The following BCOR variants were observed in gnomAD, a reference collection of about 807,000 sequenced individuals.
The protein encoded by BCOR is BCL6 corepressor.
BCOR carries 10 observed loss-of-function variants against 86.7 expected under a neutral mutation model. That is an observed-to-expected ratio of 0.12 (90% CI 0.07 to 0.20). The LOEUF (loss-of-function observed/expected upper bound fraction) is 0.20. BCOR is among the 10% of genes least tolerant of loss of function. The pLI, the probability that BCOR is intolerant of heterozygous loss-of-function variation, is 1.00. For synonymous variants in BCOR, 611 were observed against 609.0 expected (o/e 1.00, Z -0.05); for missense variants, 1,259 against 1,452.1 (o/e 0.87, Z 2.16).
chrX:40,061,181 TA>T, intron 10 of BCOR, among the ~76,000 whole-genome samples: 1 of 110,634 alleles, frequency 9.0e-6, no homozygotes, highest in Middle Eastern at 4.6e-3. Flanking sequence ...GATGCCAGCA[TA>T]AAAAAAAATG....
chrX:40,082,890 A>G (rs1936167996), intron 1 of BCOR, among the ~76,000 whole-genome samples: 1 of 111,326 alleles, frequency 9.0e-6, no homozygotes, highest in Admixed American at 9.5e-5. Context: ...TTGGGGCACT[A>G]CCACCTCATC....
chrX:40,139,485 ATATATATATATATTTTTTTTTTT>A (rs1937854224), intron 1 of BCOR, among the ~76,000 whole-genome samples: 1 of 14,099 alleles, frequency 7.1e-5, no homozygotes. Flanking sequence ...ATATATATAT[ATATATATATATATTTTTTTTTTT>A]TTTTAAGCAT....
At chrX:40,062,620 G>C in intron 9 of BCOR, 126 bp downstream of exon 9, 1 of 770,787 alleles carries the variant, frequency 1.3e-6, no homozygotes, top group Non-Finnish European at 1.9e-6. Flanking sequence ...CTCTAGGACA[G>C]GGGAGTGACG....
At chrX:40,149,769 G>A (rs1425366995) in intron 1 of BCOR, among the ~76,000 whole-genome samples, 1 of 111,934 alleles carries the variant, frequency 8.9e-6, no homozygotes, top group East Asian at 2.8e-4. Flanking sequence ...ATCACCATAG[G>A]CCCCATGGGG....
chrX:40,092,298 A>T (rs1235477718), intron 1 of BCOR, among the ~76,000 whole-genome samples: 1 of 111,561 alleles, frequency 9.0e-6, no homozygotes, highest in Non-Finnish European at 1.9e-5. Flanking sequence ...GGTCTTCCCA[A>T]TAAAAGCTGG....
In BCOR at chrX:40,051,995, G is replaced by A; in HGVS notation, c.*114C>T. The A allele has an allele frequency of 1.5e-6, 1 of 677,819 alleles. No homozygotes were observed. The highest frequency in any genetic ancestry group is 2.2e-5 in the African/African-American group (1 of 45,624). The allele number at this position is 677,819 out of a possible 1,213,427, so 55.9% of individuals were successfully genotyped here. A position where few individuals can be genotyped will look rare whatever the true frequency, so the allele number is the denominator to read the frequency against. ...ACTGGAGTAATTTCTCTTATATAAA[G>A]AAGAGATATTTTCATATGTAATAGT... On this transcript the variant is annotated 3_prime_UTR_variant, in exon 15 of 15. Coordinates refer to ENST00000378444, the MANE Select transcript of BCOR (RefSeq NM_001123385.2).
intron 1 of BCOR, among the ~76,000 whole-genome samples, chrX:40,104,399 G>T (rs1435030468): frequency 8.9e-6 from 1 of 112,153 alleles, no homozygotes; most frequent in East Asian, 2.8e-4. Context: ...GACCCTCGGG[G>T]AGTTTTAGAA....
intron 1 of BCOR, among the ~76,000 whole-genome samples, chrX:40,147,455 C>G (rs1938084203): frequency 8.9e-6 from 1 of 112,555 alleles, no homozygotes; most frequent in Non-Finnish European, 1.9e-5. Flanking sequence ...CCGCCAAGCC[C>G]GGGATGCGTC....
At chrX:40,174,755 G>A (rs1938705509) in intron 1 of BCOR, among the ~76,000 whole-genome samples, 1 of 112,726 alleles carries the variant, frequency 8.9e-6, no homozygotes, top group Non-Finnish European at 1.9e-5. Context: ...GACTGGCTGC[G>A]CCGATAGTGC....
chrX:40,091,255 C>A (rs973589389), intron 1 of BCOR, among the ~76,000 whole-genome samples: 1 of 112,530 alleles, frequency 8.9e-6, no homozygotes, highest in Non-Finnish European at 1.9e-5. Context: ...GCTCGCCCAG[C>A]CCCGGGTCAA....
At chrX:40,093,927 T>C (rs1015611850) in intron 1 of BCOR, among the ~76,000 whole-genome samples, 6 of 111,434 alleles carry the variant, frequency 5.4e-5, no homozygotes, top group Non-Finnish European at 1.1e-4. Context: ...GACTGAGAAA[T>C]ACCTGGTCAA....
intron 1 of BCOR, among the ~76,000 whole-genome samples, chrX:40,107,930 G>A (rs1459612819): frequency 8.8e-6 from 1 of 113,657 alleles, no homozygotes; most frequent in Non-Finnish European, 1.9e-5. Context: ...TGTCTGTGTG[G>A]AGCCTTCGAT....
chrX:40,076,256 G>A (rs758403675), intron 3 of BCOR, among the ~76,000 whole-genome samples, 198 bp downstream of exon 3: 5 of 112,026 alleles, frequency 4.5e-5, no homozygotes, highest in African/African-American at 1.6e-4. Flanking sequence ...ACAGGGACAT[G>A]TGTGGCGAGG....
Position 40,143,723 on chromosome X carries a change from G to A in BCOR, c.-41+33284C>T, listed in dbSNP as rs184148954. ...GGTAATCCCAGCACTTTGGGAGGCC[G>A]AGGCGGGTGGATCACGAGGTCAGGA... is the stretch of plus-strand genomic sequence containing the variant. On this transcript the variant is annotated intron_variant, in intron 1 of 14. Coordinates refer to the BCOR transcript ENST00000342274. 4.2e-3 allele frequency among the ~76,000 whole-genome samples: 478 copies of A among 112,942 alleles called. 2 individuals are homozygous for A. The highest frequency in any genetic ancestry group is 0.015 in the African/African-American group (461 of 31,139).
chrX:40,055,719 G>A (rs960237461), intron 11 of BCOR, among the ~76,000 whole-genome samples: 2 of 109,029 alleles, frequency 1.8e-5, no homozygotes, highest in South Asian at 4.0e-4. Flanking sequence ...GTGGCTCAAC[G>A]TCAAGCAATG....
chrX:40,128,468 C>A (rs1423692640), intron 1 of BCOR, among the ~76,000 whole-genome samples: 2 of 111,182 alleles, frequency 1.8e-5, no homozygotes, highest in African/African-American at 3.3e-5. Flanking sequence ...ATCGCTTGAA[C>A]CCGGAAAGCA....
chrX:40,081,243 G>A lies in BCOR; in HGVS notation c.-40-3274C>T, dbSNP rs1413421709. ...AGCAGTCCAAACCTACAAAAGCAGG[G>A]ACCTCCTTTGCAAAGGCCATACGGC... On this transcript the variant is annotated intron_variant, in intron 1 of 14. Coordinates refer to ENST00000378444, the MANE Select transcript of BCOR (RefSeq NM_001123385.2). 3.6e-5 allele frequency among the ~76,000 whole-genome samples: 4 copies of A among 111,508 alleles called. No individual in the cohort carries two copies. In the Admixed American group the frequency reaches 3.8e-4, roughly 11 times the overall value.
intron 1 of BCOR, among the ~76,000 whole-genome samples, chrX:40,170,501 C>A (rs1466881619): frequency 9.0e-6 from 1 of 110,692 alleles, no homozygotes; most frequent in Non-Finnish European, 1.9e-5. Flanking sequence ...GCGCCCGCCA[C>A]CTTGCCCGGC....
Position 40,073,344 on chromosome X carries a change from C to T in BCOR, c.2002G>A (p.Val668Ile), listed in dbSNP as rs143592639. The change falls in exon 4 of 15, where the codon GTA (valine) becomes ATA (isoleucine). Residue 668 changes from valine to isoleucine, a missense_variant. Val to Ile is a conservative substitution (Grantham distance 29). Transcript: ENST00000378444. ...LPYPAPEGIA[V>I]SPLSLHGKGP... is the part of the protein sequence containing the mutation. ...TTGCCATGTAAGGAGAGGGGACTTA[C>T]AGCAATGCCCTCAGGGGCTGGGTAA... 4.1e-6 allele frequency: 5 copies of T among 1,210,254 alleles called. No individual in the cohort carries two copies. The African/African-American group carries it at 8.7e-5, about 21-fold the overall frequency.
Sources: allele counts gnomAD v4.1 joint callset (sites outside exome capture counted in the v4.1 genomes callset), GRCh38; gene constraint gnomAD v4.1.1; transcripts MANE v1.5; gene names NCBI Gene and HGNC (gene_info 2026-07-23, HGNC 2026-07-21).